Variants in ZCCHC7 observed in about 807,000 individuals in gnomAD.
ZCCHC7 encodes the protein zinc finger CCHC domain-containing protein 7.
In ZCCHC7, 35 loss-of-function variants were observed where a neutral mutation model predicts 52.0. The ratio of observed to expected loss-of-function variants is 0.67; its 90% CI spans 0.51 to 0.89. The LOEUF (loss-of-function observed/expected upper bound fraction) is 0.89, where lower values mean the gene tolerates loss of function less well. Among genes scored for constraint, ZCCHC7 ranks in the 40% least tolerant of loss-of-function variants. ZCCHC7 has a pLI of 0.00. For synonymous variants in ZCCHC7, 217 were observed against 221.5 expected (o/e 0.98, Z 0.18); for missense variants, 574 against 649.1 (o/e 0.88, Z 1.26).
chr9:37,174,143 C>T (rs2133000510), intron 2 of ZCCHC7, among the ~76,000 whole-genome samples: 1 of 152,138 alleles, frequency 6.6e-6, no homozygotes, highest in South Asian at 2.1e-4. Context: ...GAAACCCCAT[C>T]TCTACGAAAA....
intron 7 of ZCCHC7, among the ~76,000 whole-genome samples, chr9:37,351,661 T>C (rs1231789504): frequency 1.3e-5 from 2 of 152,208 alleles, no homozygotes; most frequent in Non-Finnish European, 2.9e-5. Context: ...GCTCTGTCCA[T>C]TCCTCATTAC....
At chr9:37,199,499 T>G (rs538721961) in intron 2 of ZCCHC7, among the ~76,000 whole-genome samples, 1 of 151,556 alleles carries the variant, frequency 6.6e-6, no homozygotes, top group African/African-American at 2.4e-5. Flanking sequence ...GCCCAGTTAA[T>G]TTTTTGTAAT....
In ZCCHC7 at chr9:37,267,566, CTTTTTTTT is replaced by C. The variant is rs983055913; in HGVS notation, c.611-34608_611-34601del. ...GACTACCATGCACGGCTAATTTTTT[CTTTTTTTT>C]TTTTTTTTTTTTTGAGACAGAGTCT... is the stretch of plus-strand genomic sequence containing the variant. On this transcript the variant is annotated intron_variant, in intron 2 of 8. Coordinates refer to ENST00000336755, the MANE Select transcript of ZCCHC7 (RefSeq NM_032226.3). Among the ~76,000 whole-genome samples the C allele has an allele frequency of 7.8e-5, 9 of 115,294 alleles. No individual in the cohort carries two copies. The South Asian group carries it at 1.5e-3, about 19-fold the overall frequency. 75.6% of individuals were successfully genotyped at this position (115,294 alleles called of 152,430 possible).
intron 2 of ZCCHC7, among the ~76,000 whole-genome samples, chr9:37,222,632 A>G (rs1824884979): frequency 1.3e-5 from 2 of 152,138 alleles, no homozygotes; most frequent in East Asian, 3.8e-4. Context: ...GTTAGAAACT[A>G]TAGTTACCAA....
intron 2 of ZCCHC7, among the ~76,000 whole-genome samples, chr9:37,259,291 T>G (rs1826749291): frequency 6.6e-6 from 1 of 152,336 alleles, no homozygotes; most frequent in South Asian, 2.1e-4. Context: ...AAAATTATGT[T>G]TGTGGGTATC....
At chr9:37,251,543 G>A (rs1307974097) in intron 2 of ZCCHC7, among the ~76,000 whole-genome samples, 1 of 152,112 alleles carries the variant, frequency 6.6e-6, no homozygotes, top group Non-Finnish European at 1.5e-5. Context: ...CTTTCTTGGG[G>A]GCAGTTAGTC....
intron 2 of ZCCHC7, among the ~76,000 whole-genome samples, chr9:37,237,109 G>C (rs1037871518): frequency 1.9e-4 from 29 of 152,166 alleles, no homozygotes; most frequent in African/African-American, 7.0e-4. Flanking sequence ...CTGTACAGTA[G>C]TTTTATGAAG....
At chr9:37,229,226 G>A (rs1412398087) in intron 2 of ZCCHC7, among the ~76,000 whole-genome samples, 2 of 152,046 alleles carry the variant, frequency 1.3e-5, no homozygotes, top group Non-Finnish European at 2.9e-5. Flanking sequence ...GCCAACAACA[G>A]GGGAGTAGTT....
chr9:37,191,017 C>T (rs1324728138), intron 2 of ZCCHC7, among the ~76,000 whole-genome samples: 4 of 147,202 alleles, frequency 2.7e-5, no homozygotes, highest in East Asian at 2.0e-4. Flanking sequence ...AGCAAAACTC[C>T]GTCTCAAAAA....
At chr9:37,334,062 T>C (rs530152700) in intron 6 of ZCCHC7, 1 of 152,032 alleles carries the variant, frequency 6.6e-6, no homozygotes, top group East Asian at 1.9e-4. Context: ...ATTAACAGTT[T>C]TAAAATCTTG....
chr9:37,131,294 A>G (rs1288247880), intron 2 of ZCCHC7, among the ~76,000 whole-genome samples: 10 of 148,458 alleles, frequency 6.7e-5, no homozygotes, highest in Non-Finnish European at 3.0e-5. Context: ...GAGCCGAGAT[A>G]GCGCCACTGC....
At chr9:37,285,857 G>C (rs1358756262) in intron 2 of ZCCHC7, among the ~76,000 whole-genome samples, 1 of 152,110 alleles carries the variant, frequency 6.6e-6, no homozygotes, top group Non-Finnish European at 1.5e-5. Flanking sequence ...GAGGAAGATG[G>C]AACTGGTTCC....
chr9:37,128,879 G>A (rs931042376), intron 2 of ZCCHC7, among the ~76,000 whole-genome samples: 2 of 152,184 alleles, frequency 1.3e-5, no homozygotes, highest in African/African-American at 2.4e-5. Context: ...TGGGTTAGGC[G>A]TAACACTATA....
At chr9:37,296,881 TTGTGTGTGTGTGTGTGTGTGTG>T (rs56378965) in intron 2 of ZCCHC7, among the ~76,000 whole-genome samples, 3 of 124,134 alleles carry the variant, frequency 2.4e-5, no homozygotes, top group South Asian at 2.8e-4. Flanking sequence ...CCTGGCTAGT[TTGTGTGTGTGTGTGTGTGTGTG>T]TGTGTGTGTG....
chr9:37,260,188 A>G (rs899523456), intron 2 of ZCCHC7, among the ~76,000 whole-genome samples: 2 of 152,136 alleles, frequency 1.3e-5, no homozygotes, highest in African/African-American at 4.8e-5. Context: ...TACTGTTAGG[A>G]TAGGTTCCAG....
intron 2 of ZCCHC7, among the ~76,000 whole-genome samples, chr9:37,146,646 GT>G (rs1346857926): frequency 2.0e-4 from 31 of 152,010 alleles, no homozygotes; most frequent in Non-Finnish European, 4.3e-4. Flanking sequence ...AAGGAAAGTA[GT>G]TTCTTTTGAG....
rs1297109867 is a variant in ZCCHC7, at chr9:37,357,891, G to C, written c.*623G>C. ...TATCCAGTATAAATGTCAGAAGACA[G>C]ATTTCCTAAACAAGTAAAAGAGACA... On this transcript the variant is annotated 3_prime_UTR_variant, in exon 9 of 9. Transcript: ENST00000336755. The C allele has an allele frequency of 6.6e-6, 1 of 152,144 alleles. No homozygotes were observed. 9.4% of individuals were successfully genotyped at this position (152,144 alleles called of 1,614,324 possible). A position where few individuals can be genotyped will look rare whatever the true frequency, so the allele number is the denominator to read the frequency against.
chr9:37,345,031 G>A (rs955874449), intron 6 of ZCCHC7, among the ~76,000 whole-genome samples: 3 of 152,154 alleles, frequency 2.0e-5, no homozygotes, highest in African/African-American at 7.2e-5. Context: ...CTGTTCTTCA[G>A]CAGCTTTCTA....
Position 37,289,112 on chromosome 9 carries a change from A to G in ZCCHC7, c.611-13076A>G, listed in dbSNP as rs187122361. 3.6e-3 allele frequency among the ~76,000 whole-genome samples: 552 copies of G among 152,018 alleles called. 3 individuals are homozygous for G. Among genetic ancestry groups the G allele is most frequent in the Admixed American group, 7.0e-3 (107 of 15,280 alleles). Reference sequence around the variant, plus strand: ...ATTATCATTTTAGTTGCTGAGGCCAAAAACCTGGTAGTCATCTTTTACTGT... The same window carrying G: ...ATTATCATTTTAGTTGCTGAGGCCAGAAACCTGGTAGTCATCTTTTACTGT... On this transcript the variant is annotated intron_variant, in intron 2 of 8. Coordinates refer to ENST00000336755, the MANE Select transcript of ZCCHC7 (RefSeq NM_032226.3).
Sources: allele counts gnomAD v4.1 joint callset (sites outside exome capture counted in the v4.1 genomes callset), GRCh38; gene constraint gnomAD v4.1.1; transcripts MANE v1.5; gene names NCBI Gene and HGNC (gene_info 2026-07-23, HGNC 2026-07-21).